The following TACC1 variants were observed in gnomAD, a reference collection of about 807,000 sequenced individuals.
TACC1 encodes transforming acidic coiled-coil-containing protein 1.
In TACC1, 48 loss-of-function variants were observed where a neutral mutation model predicts 84.4. The observed-to-expected ratio is 0.57, with a 90% CI of 0.45 to 0.72. The LOEUF (loss-of-function observed/expected upper bound fraction) is 0.72, where lower values mean the gene tolerates loss of function less well. TACC1 is among the 30% of genes least tolerant of loss of function. The pLI, the probability that TACC1 is intolerant of heterozygous loss-of-function variation, is 0.00. For missense variants in TACC1, 920 were observed against 973.0 expected, an observed-to-expected ratio of 0.95 and a Z score of 0.72; for synonymous variants, 372 against 376.3, an observed-to-expected ratio of 0.99 and a Z score of 0.13.
chr8:38,757,589 C>T (rs964547203), intron 3 of TACC1, among the ~76,000 whole-genome samples: 5 of 151,964 alleles, frequency 3.3e-5, no homozygotes, highest in African/African-American at 9.7e-5. Context: ...CAGGGGCGTC[C>T]GGCTGGGAGC....
chr8:38,824,210 G>C, intron 3 of TACC1, among the ~76,000 whole-genome samples: 1 of 152,336 alleles, frequency 6.6e-6, no homozygotes, highest in East Asian at 1.9e-4. Flanking sequence ...ACCTAAGGGA[G>C]TGGGGCTTGG....
intron 2 of TACC1, among the ~76,000 whole-genome samples, chr8:38,796,979 G>A (rs1421210423): frequency 6.6e-6 from 1 of 152,206 alleles, no homozygotes; most frequent in African/African-American, 2.4e-5. Context: ...TCAAGATGTC[G>A]GCTGGGACTG....
At chr8:38,834,276 C>A (rs1342596789) in intron 6 of TACC1, among the ~76,000 whole-genome samples, 1 of 152,244 alleles carries the variant, frequency 6.6e-6, no homozygotes, top group Non-Finnish European at 1.5e-5. Flanking sequence ...TGGCTATTGG[C>A]AGAGACATCG....
chr8:38,829,487 C>G (rs1828786818), intron 5 of TACC1, among the ~76,000 whole-genome samples: 1 of 152,126 alleles, frequency 6.6e-6, no homozygotes, highest in African/African-American at 2.4e-5. Context: ...GCCTCTTACA[C>G]AGATCTGCAC....
At position 38,814,334 on chromosome 8, in the gene TACC1, A is replaced by G. The variant is rs373075895; in HGVS notation, c.278-5188A>G. On this transcript the variant is annotated intron_variant, in intron 2 of 12. Transcript: ENST00000317827. ...TTGAATGTTTGGAAGTTAAAAATAC[A>G]GTCATTCACCATATAATGATGTTTT... Among the ~76,000 whole-genome samples the G allele has an allele frequency of 2.0e-5, 3 of 152,226 alleles. No homozygotes were observed. In the East Asian group the frequency reaches 5.8e-4, roughly 29 times the overall value.
At chr8:38,833,061 C>T (rs770245306) in intron 6 of TACC1, among the ~76,000 whole-genome samples, 10 of 152,232 alleles carry the variant, frequency 6.6e-5, no homozygotes, top group Non-Finnish European at 1.3e-4. Context: ...TTAGCGTCTT[C>T]ATTAAAGACA....
intron 2 of TACC1, among the ~76,000 whole-genome samples, chr8:38,789,348 T>C (rs997273144): frequency 6.6e-6 from 1 of 152,210 alleles, no homozygotes; most frequent in African/African-American, 2.4e-5. Flanking sequence ...CAGCCCTTCA[T>C]CTGCAGGAGC....
intron 3 of TACC1, among the ~76,000 whole-genome samples, chr8:38,779,044 A>G (rs903111361): frequency 2.0e-5 from 3 of 151,342 alleles, no homozygotes; most frequent in African/African-American, 7.3e-5. Flanking sequence ...CAATGCCACA[A>G]TCACGGCTTA....
intron 2 of TACC1, among the ~76,000 whole-genome samples, chr8:38,814,684 A>G (rs914004003): frequency 1.3e-5 from 2 of 152,252 alleles, no homozygotes; most frequent in East Asian, 1.9e-4. Flanking sequence ...CCTATTCCAC[A>G]GAACAGGGTT....
At chr8:38,791,916 A>C (rs1818760727) in intron 2 of TACC1, among the ~76,000 whole-genome samples, 1 of 152,202 alleles carries the variant, frequency 6.6e-6, no homozygotes, top group Non-Finnish European at 1.5e-5. Flanking sequence ...GAAACATCTA[A>C]GACTATTTTG....
Position 38,843,383 on chromosome 8 carries a change from A to G in TACC1, c.2216A>G (p.Glu739Gly). ...RYQALKIHAE[E>G]KLDKANEEIA... Reference sequence around the variant, plus strand: ...CAGGCCCTGAAAATCCACGCAGAAGAGAAACTGGACAAGTAAGAGCTTGTA... The same window carrying G: ...CAGGCCCTGAAAATCCACGCAGAAGGGAAACTGGACAAGTAAGAGCTTGTA... Residue 739 changes from glutamate (E) to glycine (G), a missense_variant, in exon 11 of 13, where the codon GAG becomes GGG. By Grantham distance (98) the Glu-to-Gly change is moderately conservative (BLOSUM62 -2). Coordinates refer to ENST00000317827, the MANE Select transcript of TACC1 (RefSeq NM_006283.3). 1.2e-6 allele frequency: 2 copies of G among 1,606,468 alleles called. No homozygotes were observed. Among genetic ancestry groups the G allele is most frequent in the Non-Finnish European group, 1.7e-6 (2 of 1,176,090 alleles).
At chr8:38,741,495 G>C (rs1283004682) in intron 1 of TACC1, among the ~76,000 whole-genome samples, 1 of 152,150 alleles carries the variant, frequency 6.6e-6, no homozygotes, top group Non-Finnish European at 1.5e-5. Flanking sequence ...CATGAATACT[G>C]ATTTTAATTC....
At chr8:38,812,374 C>T (rs961197813) in intron 2 of TACC1, among the ~76,000 whole-genome samples, 47 of 152,148 alleles carry the variant, frequency 3.1e-4, no homozygotes, top group African/African-American at 1.1e-3. Context: ...ATGGACCTAC[C>T]GATATGTGAT....
chr8:38,790,984 A>G (rs1464766697), intron 2 of TACC1, among the ~76,000 whole-genome samples: 1 of 152,194 alleles, frequency 6.6e-6, no homozygotes, highest in Non-Finnish European at 1.5e-5. Context: ...GGCAGATCAG[A>G]AGGGAGATTT....
At chr8:38,778,122 T>G (rs902627989) in intron 3 of TACC1, among the ~76,000 whole-genome samples, 2 of 152,178 alleles carry the variant, frequency 1.3e-5, no homozygotes, top group African/African-American at 4.8e-5. Flanking sequence ...TGTGTGTGCA[T>G]GTGTGTAGAG....
At chr8:38,793,226 AATGGGATCTGTGCACAG>A (rs1471761309) in intron 2 of TACC1, among the ~76,000 whole-genome samples, 2 of 152,204 alleles carry the variant, frequency 1.3e-5, no homozygotes. Flanking sequence ...AAAAGAGATA[AATGGGATCTGTGCACAG>A]ATATTTACTG....
At chr8:38,846,424 G>A (rs574843271) in intron 11 of TACC1, 1 of 267,832 alleles carries the variant, frequency 3.7e-6, no homozygotes, top group Admixed American at 5.3e-5. Context: ...TATGCAGTCT[G>A]CTTTTGTACT....
intron 7 of TACC1, among the ~76,000 whole-genome samples, chr8:38,837,346 C>T (rs1226128592): frequency 1.3e-5 from 2 of 151,902 alleles, no homozygotes; most frequent in Non-Finnish European, 2.9e-5. Flanking sequence ...TCGCTTGAAC[C>T]TGGGAGACGA....
At chr8:38,788,058 C>A (rs1309299515) in intron 1 of TACC1, 4 of 390,196 alleles carry the variant, frequency 1.0e-5, no homozygotes, top group Non-Finnish European at 1.4e-5. Context: ...ACTGGAGCAA[C>A]GTCACTGATC....
Sources: gnomAD v4.1 joint callset for allele counts (sites outside exome capture counted in the v4.1 genomes callset) on GRCh38, gnomAD v4.1.1 for gene constraint, MANE v1.5 for transcripts, NCBI Gene and HGNC (gene_info 2026-07-23, HGNC 2026-07-21) for gene names.